Variants in NRSN1 observed in about 807,000 individuals in gnomAD.
NRSN1 encodes neurensin-1.
NRSN1 carries 14 observed loss-of-function variants against 17.3 expected under a neutral mutation model. The observed-to-expected ratio is 0.81, with a 90% CI of 0.54 to 1.27. The LOEUF (loss-of-function observed/expected upper bound fraction) is 1.27. Ranked by LOEUF, NRSN1 falls within the 50% of genes most tolerant of loss-of-function variation. The pLI is 0.00. For missense variants in NRSN1, 209 were observed against 235.9 expected (o/e 0.89, Z 0.75); for synonymous variants, 79 against 94.2 (o/e 0.84, Z 0.93).
At chr6:24,141,175 A>T (rs954697148) in intron 3 of NRSN1, 83 of 1,268,484 alleles carry the variant, frequency 6.5e-5, no homozygotes, top group Non-Finnish European at 8.1e-5. Flanking sequence ...CAGAACTTTA[A>T]ACAACCTCTG....
At chr6:24,137,742 T>C (rs1760139828) in intron 3 of NRSN1, among the ~76,000 whole-genome samples, 1 of 152,036 alleles carries the variant, frequency 6.6e-6, no homozygotes. Flanking sequence ...ACACAGATTG[T>C]TATAATGCAA....
chr6:24,132,548 A>AT (rs1040648110), intron 2 of NRSN1, among the ~76,000 whole-genome samples: 1 of 152,072 alleles, frequency 6.6e-6, no homozygotes, highest in African/African-American at 2.4e-5. Flanking sequence ...CTACAGGATA[A>AT]TTTTTTTTGG....
intron 2 of NRSN1, among the ~76,000 whole-genome samples, chr6:24,133,860 G>T (rs184500364): frequency 6.6e-6 from 1 of 152,094 alleles, no homozygotes; most frequent in African/African-American, 2.4e-5. Context: ...TTATTGAGAC[G>T]GAGTCTCACT....
Position 24,134,443 on chromosome 6 carries a change from C to A in NRSN1, c.116C>A (p.Ala39Asp). ...YLHQFYEDCT[A>D]SIWEYEDDFQ... ...CACCAGTTTTATGAGGACTGTACAG[C>A]CTCAATTTGGGAGTATGAGGATGAT... The change falls in exon 3 of 4, where the codon GCC (alanine) becomes GAC (aspartate). Residue 39 changes from alanine to aspartate, a missense_variant. Coordinates refer to ENST00000378491, the MANE Select transcript of NRSN1 (RefSeq NM_080723.5). 6.2e-7 allele frequency: 1 copy of A among 1,613,876 alleles called. No individual in the cohort carries two copies. The highest frequency in any genetic ancestry group is 8.5e-7 in the Non-Finnish European group (1 of 1,179,824).
intron 2 of NRSN1, among the ~76,000 whole-genome samples, chr6:24,130,594 G>T (rs1374879854): frequency 2.0e-5 from 3 of 151,990 alleles, no homozygotes; most frequent in African/African-American, 7.3e-5. Flanking sequence ...CAGACCCTCG[G>T]GGATCCTATT....
chr6:24,146,127 T>C lies in NRSN1; in HGVS notation c.*181T>C. The C allele has an allele frequency of 2.7e-6, 2 of 735,888 alleles. No individual in the cohort carries two copies. The highest frequency in any genetic ancestry group is 5.0e-6 in the Non-Finnish European group (2 of 401,916). 45.6% of individuals were successfully genotyped at this position (735,888 alleles called of 1,614,324 possible). A position where few individuals can be genotyped will look rare whatever the true frequency, so the allele number is the denominator to read the frequency against. On this transcript the variant is annotated 3_prime_UTR_variant, in exon 4 of 4. Coordinates refer to ENST00000378491, the MANE Select transcript of NRSN1 (RefSeq NM_080723.5). ...GCAGCTCTGCTGGAGGGCGGTGCCA[T>C]GCCTAAGCCTGTGCACATGCATCCA...
intron 1 of NRSN1, among the ~76,000 whole-genome samples, 200 bp from the exon 2 acceptor site, chr6:24,127,924 AAATT>A (rs1293262338): frequency 6.6e-6 from 1 of 152,210 alleles, no homozygotes; most frequent in African/African-American, 2.4e-5. Flanking sequence ...TTCACTTTAT[AAATT>A]ATTATGAGAA....
At chr6:24,143,206 C>A (rs1581553349) in intron 3 of NRSN1, among the ~76,000 whole-genome samples, 2 of 152,144 alleles carry the variant, frequency 1.3e-5, no homozygotes, top group African/African-American at 4.8e-5. Context: ...CCGGCTTCAC[C>A]TCTCAGTCTC....
chr6:24,131,623 G>A (rs570309631), intron 2 of NRSN1, among the ~76,000 whole-genome samples: 1 of 152,094 alleles, frequency 6.6e-6, no homozygotes, highest in Non-Finnish European at 1.5e-5. Context: ...CAGTTTCCTA[G>A]TTGACAAAGC....
intron 2 of NRSN1, among the ~76,000 whole-genome samples, chr6:24,131,296 C>T (rs925768128): frequency 1.3e-5 from 2 of 152,180 alleles, no homozygotes; most frequent in Non-Finnish European, 2.9e-5. Context: ...CAGGGAATGG[C>T]TGTAATATAT....
Position 24,142,191 on chromosome 6 carries a change from C to CTT in NRSN1, c.190-3335_190-3334dup, listed in dbSNP as rs751168423. Among the ~76,000 whole-genome samples the CTT allele has an allele frequency of 9.2e-3, 407 of 44,424 alleles. 54 individuals are homozygous for CTT. The highest frequency in any genetic ancestry group is 0.027 in the African/African-American group (355 of 13,354). 29.1% of individuals were successfully genotyped at this position (44,424 alleles called of 152,430 possible). A position where few individuals can be genotyped will look rare whatever the true frequency, so the allele number is the denominator to read the frequency against. ...AGCACTTATGTCTTATACAGAACAG[C>CTT]TTTTTTTTTTTTTTTTTTTTTTTCA... On this transcript the variant is annotated intron_variant, in intron 3 of 3. Transcript: ENST00000378491.
intron 3 of NRSN1, chr6:24,141,664 GA>G (rs1238253585): frequency 6.6e-6 from 1 of 152,270 alleles, no homozygotes; most frequent in Non-Finnish European, 1.5e-5. Flanking sequence ...TCTGCCATCT[GA>G]AAGCCATGGT....
At chr6:24,137,013 C>T (rs1406928343) in intron 3 of NRSN1, among the ~76,000 whole-genome samples, 2 of 152,214 alleles carry the variant, frequency 1.3e-5, no homozygotes, top group Non-Finnish European at 2.9e-5. Context: ...AAAGCACTAG[C>T]TATGCTCATG....
chr6:24,130,617 C>T (rs1226705695), intron 2 of NRSN1, among the ~76,000 whole-genome samples: 6 of 152,096 alleles, frequency 3.9e-5, no homozygotes, highest in East Asian at 3.8e-4. Context: ...AGGCAACATA[C>T]GTGATACTGA....
At chr6:24,139,537 G>C (rs1581551442) in intron 3 of NRSN1, among the ~76,000 whole-genome samples, 1 of 152,214 alleles carries the variant, frequency 6.6e-6, no homozygotes, top group Non-Finnish European at 1.5e-5. Context: ...AAAATGGGAA[G>C]GAAGTGGCAG....
In NRSN1 at chr6:24,145,426, T is replaced by G. The variant is rs557187353; in HGVS notation, c.190-122T>G. ...AATTAAGTAAGTGTTTCCTGCAAATTTGGGGTAACTGGGAATATTCATTTC... is the reference window on the plus strand; with the variant it reads ...AATTAAGTAAGTGTTTCCTGCAAATGTGGGGTAACTGGGAATATTCATTTC... On this transcript the variant is annotated intron_variant, in intron 3 of 3. Coordinates refer to ENST00000378491, the MANE Select transcript of NRSN1 (RefSeq NM_080723.5). This position sits in a 1 kb window ranked among gnomAD's most constrained non-coding sequence, Gnocchi z 4.4. The G allele has an allele frequency of 1.1e-4, 73 of 667,398 alleles. 1 individual carries two copies. In the African/African-American group the frequency reaches 1.3e-3, roughly 12 times the overall value. The allele number at this position is 667,398 out of a possible 1,614,324, so 41.3% of individuals were successfully genotyped here. A position where few individuals can be genotyped will look rare whatever the true frequency, so the allele number is the denominator to read the frequency against.
intron 3 of NRSN1, among the ~76,000 whole-genome samples, chr6:24,135,352 C>T (rs771787257): frequency 5.3e-5 from 8 of 152,122 alleles, no homozygotes; most frequent in Non-Finnish European, 1.2e-4. Flanking sequence ...TCATCCTAGA[C>T]TGGGAAAATA....
rs932155640 is a variant in NRSN1 at position 24,134,613 on chromosome 6, G to T, written c.189+97G>T. 3.2e-6 allele frequency: 3 copies of T among 939,594 alleles called. No homozygotes were observed. The African/African-American group carries it at 4.9e-5, about 15-fold the overall frequency. 58.2% of individuals were successfully genotyped at this position (939,594 alleles called of 1,614,324 possible). On this transcript the variant is annotated intron_variant, in intron 3 of 3. Coordinates refer to ENST00000378491, the MANE Select transcript of NRSN1 (RefSeq NM_080723.5). Reference sequence around the variant, plus strand: ...AGGATGGAGAGGTTTAGTACTCGCTGTGTGTGCATCACTCTTGGTGATACT... The same window carrying T: ...AGGATGGAGAGGTTTAGTACTCGCTTTGTGTGCATCACTCTTGGTGATACT...
intron 1 of NRSN1, among the ~76,000 whole-genome samples, chr6:24,127,707 T>C (rs1421786161): frequency 2.0e-5 from 3 of 152,200 alleles, no homozygotes; most frequent in Admixed American, 6.5e-5. Flanking sequence ...ATAGGACTCA[T>C]ATATTTTACA....
Sources: gnomAD v4.1 joint callset for allele counts (sites outside exome capture counted in the v4.1 genomes callset) on GRCh38, gnomAD v4.1.1 for gene constraint, Gnocchi (gnomAD v3.1) non-coding constraint, MANE v1.5 for transcripts, NCBI Gene and HGNC (gene_info 2026-07-23, HGNC 2026-07-21) for gene names.